PRR16: variants seen among roughly 807,000 people sequenced by gnomAD.
PRR16 encodes the protein proline rich 16, also known as protein Largen.
A neutral mutation model predicts 18.2 loss-of-function variants in PRR16; 6 were observed. The ratio of observed to expected loss-of-function variants is 0.33; its 90% CI spans 0.18 to 0.65. The LOEUF is 0.65. PRR16 is among the 30% of genes least tolerant of loss of function. The probability of loss-of-function intolerance (pLI) is 0.74; values close to 1 mark genes in which losing one functional copy is unlikely to be tolerated. For missense variants in PRR16, 412 were observed against 376.6 expected, an observed-to-expected ratio of 1.09 and a Z score of -0.78; for synonymous variants, 151 against 147.8, an observed-to-expected ratio of 1.02 and a Z score of -0.16.
the PRR16 span, among the ~76,000 whole-genome samples, chr5:120,778,285 A>G: frequency 6.6e-6 from 1 of 152,256 alleles, no homozygotes; most frequent in African/African-American, 2.4e-5. Context: ...ATTCTGCTCA[A>G]GTAAAACAGA....
At chr5:120,708,726 T>C in the PRR16 span, among the ~76,000 whole-genome samples, 18 of 152,122 alleles carry the variant, frequency 1.2e-4, no homozygotes, top group South Asian at 8.3e-4. Context: ...GAGACCAGAA[T>C]TAAACTAAGT....
chr5:120,760,488 A>G, the PRR16 span, among the ~76,000 whole-genome samples: 2 of 152,070 alleles, frequency 1.3e-5, no homozygotes, highest in Non-Finnish European at 2.9e-5. Context: ...TTTGGTAGTT[A>G]TATCTAAAAC....
rs187734632 is a variant in PRR16 at position 120,484,023 on chromosome 5, T to A, written c.159+19378T>A. Among the ~76,000 whole-genome samples, 26 of 152,118 alleles carry A rather than the reference T, an allele frequency of 1.7e-4. No individual in the cohort carries two copies. In the East Asian group the frequency reaches 4.8e-3, roughly 28 times the overall value. ...AGGGGTTACAAGTCTTCTTTCCTTCTAAAAATTTGCATACTGTCAGAGGTA... is the reference window on the plus strand; with the variant it reads ...AGGGGTTACAAGTCTTCTTTCCTTCAAAAAATTTGCATACTGTCAGAGGTA... On this transcript the variant is annotated intron_variant, in intron 1 of 1. Transcript: ENST00000407149.
chr5:120,721,855 A>G, the PRR16 span, among the ~76,000 whole-genome samples: 323 of 152,174 alleles, frequency 2.1e-3, 2 homozygotes, highest in African/African-American at 6.7e-3. Flanking sequence ...TGGAAGTTAT[A>G]AAATCTATAA....
the PRR16 span, among the ~76,000 whole-genome samples, chr5:120,737,228 G>A: frequency 6.7e-6 from 1 of 149,796 alleles, no homozygotes; most frequent in East Asian, 2.0e-4. Context: ...TTTCGCCATT[G>A]AGTATGGTGT....
chr5:120,763,206 G>A, the PRR16 span, among the ~76,000 whole-genome samples: 1 of 152,008 alleles, frequency 6.6e-6, no homozygotes, highest in African/African-American at 2.4e-5. Context: ...GAGTTCAGTG[G>A]CATGATATCG....
intron 1 of PRR16, among the ~76,000 whole-genome samples, chr5:120,532,472 A>G (rs146680344): frequency 2.8e-3 from 429 of 152,170 alleles, no homozygotes; most frequent in African/African-American, 9.9e-3. Context: ...ACACTCCTTT[A>G]TAGAGATAAT....
intron 1 of PRR16, among the ~76,000 whole-genome samples, chr5:120,603,866 G>C (rs1256817390): frequency 1.3e-5 from 2 of 152,028 alleles, no homozygotes; most frequent in East Asian, 3.9e-4. Context: ...ATTGTTTTGA[G>C]AGATATTATT....
intron 1 of PRR16, among the ~76,000 whole-genome samples, chr5:120,545,930 T>C (rs551546289): frequency 6.6e-6 from 1 of 152,224 alleles, no homozygotes; most frequent in Admixed American, 6.5e-5. Flanking sequence ...GAGGCTCTAT[T>C]TTGTATTGAT....
At chr5:120,697,308 T>C in the PRR16 span, among the ~76,000 whole-genome samples, 1 of 152,176 alleles carries the variant, frequency 6.6e-6, no homozygotes. Context: ...ATCACTATGG[T>C]GATGTAGATG....
intron 1 of PRR16, among the ~76,000 whole-genome samples, chr5:120,543,917 C>T (rs1751995040): frequency 6.6e-6 from 1 of 152,080 alleles, no homozygotes. Flanking sequence ...AGACTAAAAA[C>T]CTCTAAGGAG....
At chr5:120,737,338 T>TTTA in the PRR16 span, among the ~76,000 whole-genome samples, 1 of 68,458 alleles carries the variant, frequency 1.5e-5, no homozygotes, top group African/African-American at 5.6e-5. Flanking sequence ...TTTTTTTTTT[T>TTTA]ATGAAAGGGT....
intron 1 of PRR16, among the ~76,000 whole-genome samples, chr5:120,558,631 A>G (rs915178815): frequency 2.6e-5 from 4 of 151,884 alleles, no homozygotes; most frequent in Non-Finnish European, 1.5e-5. Context: ...TATCTCTTTG[A>G]TACGCTGATT....
intron 1 of PRR16, among the ~76,000 whole-genome samples, chr5:120,601,153 G>A (rs1753969754): frequency 6.6e-6 from 1 of 151,958 alleles, no homozygotes; most frequent in African/African-American, 2.4e-5. Flanking sequence ...TCTCCAAACT[G>A]CTTTCCACAG....
At chr5:120,645,204 CTTT>C (rs1409827643) in intron 1 of PRR16, among the ~76,000 whole-genome samples, 1 of 151,980 alleles carries the variant, frequency 6.6e-6, no homozygotes, top group Non-Finnish European at 1.5e-5. Context: ...ATACTTTCTT[CTTT>C]GTCTATGTCA....
At chr5:120,646,770 A>G (rs1755615362) in intron 1 of PRR16, among the ~76,000 whole-genome samples, 1 of 152,080 alleles carries the variant, frequency 6.6e-6, no homozygotes, top group Non-Finnish European at 1.5e-5. Flanking sequence ...GAAAAATGCA[A>G]TAAATACATA....
intron 1 of PRR16, among the ~76,000 whole-genome samples, chr5:120,552,277 A>T (rs1440559599): frequency 6.6e-6 from 1 of 151,854 alleles, no homozygotes; most frequent in Non-Finnish European, 1.5e-5. Flanking sequence ...GGCTCATTAT[A>T]TTGCCTCCAG....
At chr5:120,609,406 T>TAA (rs5870900) in intron 1 of PRR16, among the ~76,000 whole-genome samples, 2 of 150,748 alleles carry the variant, frequency 1.3e-5, no homozygotes, top group African/African-American at 2.4e-5. Context: ...TCCTACTTTC[T>TAA]AAAAAAAAAA....
At chr5:120,722,811 G>T in the PRR16 span, among the ~76,000 whole-genome samples, 9 of 147,466 alleles carry the variant, frequency 6.1e-5, no homozygotes, top group African/African-American at 2.2e-4. Context: ...TTTGTTATCT[G>T]TAAATTATGG....
Sources: gnomAD v4.1 joint callset for allele counts (sites outside exome capture counted in the v4.1 genomes callset) on GRCh38, gnomAD v4.1.1 for gene constraint, MANE v1.5 for transcripts, NCBI Gene and HGNC (gene_info 2026-07-23, HGNC 2026-07-21) for gene names.